Variants in SGMS1 observed in about 807,000 individuals in gnomAD.
SGMS1 encodes phosphatidylcholine:ceramide cholinephosphotransferase 1.
Under a neutral mutation model 46.2 loss-of-function variants are expected in SGMS1, and 13 were observed. The observed-to-expected ratio is 0.28, with a 90% CI of 0.18 to 0.45. The LOEUF is 0.45. Among genes scored for constraint, SGMS1 ranks in the 20% least tolerant of loss-of-function variants. The pLI is 1.00. For missense variants in SGMS1, 324 were observed against 519.9 expected, an observed-to-expected ratio of 0.62 and a Z score of 3.66; for synonymous variants, 203 against 187.8, an observed-to-expected ratio of 1.08 and a Z score of -0.66.
chr10:50,608,922 T>C (rs1838721093), intron 1 of SGMS1, among the ~76,000 whole-genome samples: 2 of 152,232 alleles, frequency 1.3e-5, no homozygotes, highest in Admixed American at 1.3e-4. Context: ...AAGTCATCTC[T>C]AGATAATGTA....
chr10:50,616,574 G>C (rs1838799706), intron 1 of SGMS1, among the ~76,000 whole-genome samples: 1 of 152,150 alleles, frequency 6.6e-6, no homozygotes, highest in Non-Finnish European at 1.5e-5. Flanking sequence ...TAAGCGGCGG[G>C]GGGTGTTGTT....
intron 5 of SGMS1, among the ~76,000 whole-genome samples, chr10:50,438,377 G>C (rs1849501193): frequency 6.6e-6 from 1 of 152,196 alleles, no homozygotes; most frequent in Non-Finnish European, 1.5e-5. Context: ...TGCCTACTGA[G>C]AGAGCCCCAT....
Position 50,392,426 on chromosome 10 carries a change from A to G in SGMS1, c.-232+41050T>C, listed in dbSNP as rs986765106. On this transcript the variant is annotated intron_variant, in intron 6 of 10. Coordinates refer to ENST00000361781, the MANE Select transcript of SGMS1 (RefSeq NM_147156.4). ...AGATTTGAGTCCATTTCTTCTAAAC[A>G]TAGTATACAAGTGCACAGTCTTTCA... Among the ~76,000 whole-genome samples, 5 of 152,214 alleles carry G rather than the reference A, an allele frequency of 3.3e-5. No individual in the cohort carries two copies. The East Asian group carries it at 9.6e-4, about 29-fold the overall frequency.
intron 2 of SGMS1, among the ~76,000 whole-genome samples, chr10:50,558,706 T>C (rs922098296): frequency 3.9e-5 from 6 of 152,084 alleles, no homozygotes; most frequent in Admixed American, 3.9e-4. Flanking sequence ...TTCCTCCTCC[T>C]CCTCCTCAGC....
At chr10:50,330,462 G>A (rs113713240) in intron 7 of SGMS1, among the ~76,000 whole-genome samples, 1 of 152,090 alleles carries the variant, frequency 6.6e-6, no homozygotes, top group Admixed American at 6.5e-5. Flanking sequence ...TCCAGTCTGG[G>A]TGACAGAGTC....
At chr10:50,320,908 A>C (rs1318837831) in intron 8 of SGMS1, among the ~76,000 whole-genome samples, 1 of 152,166 alleles carries the variant, frequency 6.6e-6, no homozygotes, top group Non-Finnish European at 1.5e-5. Context: ...TACTACAGGG[A>C]GTCAGAGGGG....
At chr10:50,329,884 T>G (rs1847591384) in intron 7 of SGMS1, among the ~76,000 whole-genome samples, 1 of 152,218 alleles carries the variant, frequency 6.6e-6, no homozygotes, top group Non-Finnish European at 1.5e-5. Context: ...CGTTTATCTA[T>G]TTTTCTCCCA....
chr10:50,489,235 T>C (rs1837548023), intron 3 of SGMS1, among the ~76,000 whole-genome samples: 1 of 152,204 alleles, frequency 6.6e-6, no homozygotes, highest in Non-Finnish European at 1.5e-5. Flanking sequence ...TTGGAGACCA[T>C]CAGCACCATA....
intron 2 of SGMS1, among the ~76,000 whole-genome samples, chr10:50,531,612 C>G (rs2221): frequency 6.6e-6 from 1 of 151,996 alleles, no homozygotes; most frequent in African/African-American, 2.4e-5. Flanking sequence ...TAGGGCTTGG[C>G]TCTTTATCTG....
intron 3 of SGMS1, among the ~76,000 whole-genome samples, chr10:50,477,099 C>T (rs767296618): frequency 2.6e-5 from 4 of 152,232 alleles, no homozygotes; most frequent in African/African-American, 4.8e-5. Context: ...CATCATGCAC[C>T]TGGAAAAGTT....
At chr10:50,611,077 G>C (rs140891213) in intron 1 of SGMS1, among the ~76,000 whole-genome samples, 1 of 152,224 alleles carries the variant, frequency 6.6e-6, no homozygotes, top group Non-Finnish European at 1.5e-5. Context: ...GGACTATGCA[G>C]TCCACGTGGT....
At chr10:50,317,008 G>C (rs1022239404) in intron 8 of SGMS1, among the ~76,000 whole-genome samples, 1 of 152,160 alleles carries the variant, frequency 6.6e-6, no homozygotes, top group Non-Finnish European at 1.5e-5. Flanking sequence ...ATTTTTCAAT[G>C]CTAACACCAT....
At chr10:50,558,736 T>G (rs1838209221) in intron 2 of SGMS1, among the ~76,000 whole-genome samples, 1 of 152,074 alleles carries the variant, frequency 6.6e-6, no homozygotes, top group Non-Finnish European at 1.5e-5. Context: ...ATGAAGACAA[T>G]GAGGATGGAG....
chr10:50,497,648 G>T (rs888286357), intron 3 of SGMS1, among the ~76,000 whole-genome samples: 29 of 152,216 alleles, frequency 1.9e-4, no homozygotes, highest in African/African-American at 6.7e-4. Context: ...CAAAAAATTA[G>T]CCGGACGTGG....
At chr10:50,372,202 C>T (rs1310835723) in intron 6 of SGMS1, among the ~76,000 whole-genome samples, 1 of 152,110 alleles carries the variant, frequency 6.6e-6, no homozygotes, top group Non-Finnish European at 1.5e-5. Context: ...CAACAAAAAG[C>T]GAATACTAGA....
chr10:50,485,029 T>C (rs1837507884), intron 3 of SGMS1, among the ~76,000 whole-genome samples: 1 of 152,170 alleles, frequency 6.6e-6, no homozygotes, highest in Non-Finnish European at 1.5e-5. Context: ...CAACATAGTA[T>C]TGGAAGTTCT....
At chr10:50,371,088 C>T (rs765546501) in intron 6 of SGMS1, among the ~76,000 whole-genome samples, 7 of 152,218 alleles carry the variant, frequency 4.6e-5, no homozygotes, top group Middle Eastern at 3.4e-3. Context: ...TGCTTTTATA[C>T]GGATGGCAGT....
chr10:50,619,433 G>A (rs998965479), intron 1 of SGMS1, among the ~76,000 whole-genome samples: 3 of 152,224 alleles, frequency 2.0e-5, no homozygotes, highest in Non-Finnish European at 4.4e-5. Context: ...AACCACTTAT[G>A]TAAATCAAAA....
At chr10:50,525,449 C>G (rs1837892641) in intron 2 of SGMS1, among the ~76,000 whole-genome samples, 1 of 152,136 alleles carries the variant, frequency 6.6e-6, no homozygotes, top group Admixed American at 6.5e-5. Flanking sequence ...TATTTCAGTA[C>G]AGGCATCACT....
Sources: gnomAD v4.1 joint callset for allele counts (sites outside exome capture counted in the v4.1 genomes callset) on GRCh38, gnomAD v4.1.1 for gene constraint, MANE v1.5 for transcripts, NCBI Gene and HGNC (gene_info 2026-07-23, HGNC 2026-07-21) for gene names.